KALRN: variants seen among roughly 807,000 people sequenced by gnomAD.
KALRN encodes kalirin RhoGEF kinase.
A neutral mutation model predicts 353.7 loss-of-function variants in KALRN; 70 were observed. The ratio of observed to expected loss-of-function variants is 0.20; its 90% CI spans 0.16 to 0.24. The LOEUF is 0.24. Ranked by LOEUF, KALRN falls within the 10% of genes least tolerant of loss-of-function variation. KALRN has a pLI of 1.00. For missense variants in KALRN, 2,791 were observed against 3,756.7 expected, an observed-to-expected ratio of 0.74 and a Z score of 6.72; for synonymous variants, 1,391 against 1,434.8, an observed-to-expected ratio of 0.97 and a Z score of 0.69.
chr3:124,636,795 T>A (rs1269884821), intron 36 of KALRN, among the ~76,000 whole-genome samples: 1 of 152,088 alleles, frequency 6.6e-6, no homozygotes, highest in Non-Finnish European at 1.5e-5. Context: ...CAAGGCTGGG[T>A]TTGTTGAATC....
At chr3:124,086,734 A>G (rs1304210929) in intron 1 of KALRN, among the ~76,000 whole-genome samples, 3 of 152,206 alleles carry the variant, frequency 2.0e-5, no homozygotes, top group Non-Finnish European at 4.4e-5. Flanking sequence ...AATTAGTACA[A>G]AATAAATAGG....
chr3:124,656,574 G>A (rs1489646735), intron 39 of KALRN, among the ~76,000 whole-genome samples: 1 of 152,130 alleles, frequency 6.6e-6, no homozygotes, highest in African/African-American at 2.4e-5. Flanking sequence ...TCGCGCCACC[G>A]CACTCCAGCC....
chr3:124,556,333 C>G (rs937086545), intron 33 of KALRN, among the ~76,000 whole-genome samples: 1 of 152,196 alleles, frequency 6.6e-6, no homozygotes, highest in African/African-American at 2.4e-5. Context: ...TTCCAACATA[C>G]AAACTGATGA....
intron 33 of KALRN, among the ~76,000 whole-genome samples, chr3:124,517,159 C>T (rs1253784097): frequency 6.6e-6 from 1 of 152,188 alleles, no homozygotes; most frequent in African/African-American, 2.4e-5. Context: ...TAAAGTTGGG[C>T]TCAGTGAGTT....
chr3:124,113,410 T>C (rs1452763432), intron 1 of KALRN, among the ~76,000 whole-genome samples: 1 of 152,124 alleles, frequency 6.6e-6, no homozygotes, highest in Non-Finnish European at 1.5e-5. Context: ...GACTGAAGGC[T>C]TAGGAAGGCA....
chr3:124,114,668 C>G (rs898412385), intron 1 of KALRN, among the ~76,000 whole-genome samples: 1 of 152,162 alleles, frequency 6.6e-6, no homozygotes, highest in Non-Finnish European at 1.5e-5. Flanking sequence ...AAGGACATGG[C>G]AGGTACGGCT....
Position 124,658,049 on chromosome 3 carries a change from G to A in KALRN, c.6036+246G>A, listed in dbSNP as rs868777633. The stretch of plus-strand genomic sequence containing the variant: ...CATGCCTATAGTCCTAGCCACTTGG[G>A]GGGGCGGAGGCAGGAGGATCGCTTG... On this transcript the variant is annotated intron_variant, in intron 41 of 59. Transcript: ENST00000682506. Among the ~76,000 whole-genome samples, 14 of 152,294 alleles carry A rather than the reference G, an allele frequency of 9.2e-5. No individual in the cohort carries two copies. In the East Asian group the frequency reaches 1.9e-3, roughly 21 times the overall value.
chr3:124,695,222 C>G (rs2061995923), intron 53 of KALRN, among the ~76,000 whole-genome samples: 3 of 150,786 alleles, frequency 2.0e-5, no homozygotes, highest in African/African-American at 7.4e-5. Flanking sequence ...CTGACTGCCT[C>G]CCAATCATTG....
intron 33 of KALRN, among the ~76,000 whole-genome samples, chr3:124,497,162 G>A (rs945403219): frequency 6.6e-6 from 1 of 152,170 alleles, no homozygotes; most frequent in Non-Finnish European, 1.5e-5. Context: ...TGCAACCGCC[G>A]GAATTTGTAG....
At chr3:124,713,194 C>A (rs1559883710) in intron 58 of KALRN, 59 bp downstream of exon 58, 13 of 1,442,476 alleles carry the variant, frequency 9.0e-6, no homozygotes, top group South Asian at 1.3e-5. Flanking sequence ...AGCTTTTGCC[C>A]ACAATTAATG....
chr3:124,368,880 G>C (rs946342544), intron 10 of KALRN, among the ~76,000 whole-genome samples: 2 of 152,230 alleles, frequency 1.3e-5, no homozygotes, highest in South Asian at 2.1e-4. Context: ...CCAACACAGC[G>C]AAACCCCATC....
chr3:124,380,432 A>G (rs768589217), intron 10 of KALRN, among the ~76,000 whole-genome samples: 13 of 152,186 alleles, frequency 8.5e-5, no homozygotes, highest in Non-Finnish European at 1.6e-4. Flanking sequence ...AAGAACAGGA[A>G]CTGTAGCCAT....
At chr3:124,303,986 C>A (rs1580728163) in intron 6 of KALRN, among the ~76,000 whole-genome samples, 2 of 152,218 alleles carry the variant, frequency 1.3e-5, no homozygotes, top group East Asian at 3.9e-4. Flanking sequence ...CTCTAATCTC[C>A]CAACCCTAAT....
At chr3:124,075,630 G>A (rs181066285) in intron 1 of KALRN, among the ~76,000 whole-genome samples, 212 of 152,154 alleles carry the variant, frequency 1.4e-3, no homozygotes, top group African/African-American at 5.0e-3. Context: ...TTTCTTGAGG[G>A]TCTGCTATTT....
chr3:124,409,964 G>A (rs1193244934), intron 13 of KALRN, among the ~76,000 whole-genome samples: 1 of 152,158 alleles, frequency 6.6e-6, no homozygotes, highest in African/African-American at 2.4e-5. Flanking sequence ...GGCAGCCTTA[G>A]GAGGAGGCCC....
At chr3:124,462,782 C>A (rs952210219) in intron 25 of KALRN, 149 bp downstream of exon 25, 1 of 581,690 alleles carries the variant, frequency 1.7e-6, no homozygotes, top group South Asian at 2.1e-5. Context: ...TTACTCACTC[C>A]CCTTTCTCCA....
chr3:124,100,422 C>G (rs1229247992), intron 1 of KALRN: 2 of 152,128 alleles, frequency 1.3e-5, no homozygotes, highest in Non-Finnish European at 2.9e-5. Context: ...AAAAGGACAT[C>G]CTTTTCAATA....
intron 11 of KALRN, among the ~76,000 whole-genome samples, chr3:124,390,212 C>A (rs1194280603): frequency 6.6e-6 from 1 of 152,182 alleles, no homozygotes; most frequent in Non-Finnish European, 1.5e-5. Flanking sequence ...ATTCTCTTTC[C>A]TTGCTGTGTT....
intron 13 of KALRN, among the ~76,000 whole-genome samples, chr3:124,409,249 C>G (rs1196288653): frequency 6.6e-6 from 1 of 152,170 alleles, no homozygotes; most frequent in East Asian, 1.9e-4. Flanking sequence ...GCGGAATGCC[C>G]TCTGGGAACC....
Sources: allele counts gnomAD v4.1 joint callset (sites outside exome capture counted in the v4.1 genomes callset), GRCh38; gene constraint gnomAD v4.1.1; transcripts MANE v1.5; gene names NCBI Gene and HGNC (gene_info 2026-07-23, HGNC 2026-07-21).